EPHA3: variants seen among roughly 807,000 people sequenced by gnomAD.
EPHA3 encodes the protein ephrin type-A receptor 3.
Under a neutral mutation model 107.1 loss-of-function variants are expected in EPHA3, and 42 were observed. The ratio of observed to expected loss-of-function variants is 0.39; its 90% confidence interval spans 0.31 to 0.51. The LOEUF (loss-of-function observed/expected upper bound fraction) is 0.51. EPHA3 is among the 20% of genes least tolerant of loss of function. The probability of loss-of-function intolerance (pLI) is 0.78; values close to 1 mark genes in which losing one functional copy is unlikely to be tolerated. For synonymous variants in EPHA3, 461 were observed against 424.8 expected, an observed-to-expected ratio of 1.09 and a Z score of -1.05; for missense variants, 1,183 against 1,211.2, an observed-to-expected ratio of 0.98 and a Z score of 0.35.
intron 3 of EPHA3, among the ~76,000 whole-genome samples, chr3:89,305,448 A>G (rs1706593105): frequency 6.6e-6 from 1 of 152,090 alleles, no homozygotes; most frequent in East Asian, 1.9e-4. Context: ...ACTTTTTTGC[A>G]TCCACCTGTA....
chr3:89,472,750 G>A lies in EPHA3; in HGVS notation c.2846+131G>A, dbSNP rs73139115. 7.5e-5 allele frequency: 76 copies of A among 1,014,698 alleles called. No homozygotes were observed. The South Asian group carries it at 9.8e-4, about 13-fold the overall frequency. The allele number at this position is 1,014,698 out of a possible 1,614,324, so 62.9% of individuals were successfully genotyped here. ...TGGTAGATCTGAGGTACTGACTACC[G>A]CCTGGAACTGCTAATCAGGGCCCTG... is the stretch of plus-strand genomic sequence containing the variant. On this transcript the variant is annotated intron_variant, in intron 16 of 16. Transcript: ENST00000336596.
chr3:89,367,373 C>T (rs190281933), intron 5 of EPHA3, among the ~76,000 whole-genome samples: 2 of 150,526 alleles, frequency 1.3e-5, no homozygotes, highest in Non-Finnish European at 3.0e-5. Flanking sequence ...AGTGAGCTGG[C>T]CTCCCGTGTA....
intron 3 of EPHA3, among the ~76,000 whole-genome samples, chr3:89,213,715 G>A (rs1401207334): frequency 2.0e-5 from 3 of 152,008 alleles, no homozygotes; most frequent in Admixed American, 6.6e-5. Context: ...TAAAGCAACC[G>A]TCTAAACAAT....
chr3:89,268,376 A>T (rs1297510071), intron 3 of EPHA3, among the ~76,000 whole-genome samples: 1 of 152,142 alleles, frequency 6.6e-6, no homozygotes. Context: ...TCATGTGGCT[A>T]ATCTTCATTG....
intron 5 of EPHA3, among the ~76,000 whole-genome samples, chr3:89,356,058 T>C (rs1416912676): frequency 6.9e-6 from 1 of 144,086 alleles, no homozygotes; most frequent in Non-Finnish European, 1.5e-5. Flanking sequence ...TGTTCAATTC[T>C]CACCTATGAG....
At chr3:89,442,432 T>C (rs1335118574) in intron 13 of EPHA3, among the ~76,000 whole-genome samples, 1 of 152,210 alleles carries the variant, frequency 6.6e-6, no homozygotes, top group East Asian at 1.9e-4. Context: ...AAGCAGTAGT[T>C]CGCAAATGGG....
intron 10 of EPHA3, among the ~76,000 whole-genome samples, chr3:89,414,958 G>T (rs1638877346): frequency 6.6e-6 from 1 of 151,446 alleles, no homozygotes; most frequent in Non-Finnish European, 1.5e-5. Context: ...CATGTTCAGG[G>T]TTTTGCAGCC....
At chr3:89,168,089 A>G (rs1705118933) in intron 2 of EPHA3, among the ~76,000 whole-genome samples, 1 of 152,194 alleles carries the variant, frequency 6.6e-6, no homozygotes, top group Admixed American at 6.5e-5. Flanking sequence ...TAAAGTTTGC[A>G]ATTAACACAG....
At chr3:89,348,614 C>G (rs1371041722) in intron 5 of EPHA3, among the ~76,000 whole-genome samples, 1 of 137,056 alleles carries the variant, frequency 7.3e-6, no homozygotes, top group Non-Finnish European at 1.5e-5. Flanking sequence ...TCTCTATTTC[C>G]TTCAGTTCTG....
At chr3:89,298,036 A>G (rs556808274) in intron 3 of EPHA3, among the ~76,000 whole-genome samples, 6 of 152,244 alleles carry the variant, frequency 3.9e-5, no homozygotes, top group Admixed American at 3.9e-4. Flanking sequence ...CTTCCTCTCA[A>G]AAAACAAAAC....
intron 3 of EPHA3, among the ~76,000 whole-genome samples, chr3:89,302,352 C>T (rs1364696475): frequency 6.6e-6 from 1 of 151,990 alleles, no homozygotes; most frequent in Admixed American, 6.6e-5. Context: ...GTGTTTTATA[C>T]AGTCTGTCTT....
intron 5 of EPHA3, among the ~76,000 whole-genome samples, chr3:89,351,577 C>A (rs553391109): frequency 7.9e-5 from 12 of 151,200 alleles, no homozygotes; most frequent in East Asian, 1.9e-4. Context: ...CACCCGTCTT[C>A]TGCGTCGCTC....
At chr3:89,413,294 T>C in intron 10 of EPHA3, 28 bp downstream of exon 10, 1 of 1,610,518 alleles carries the variant, frequency 6.2e-7, no homozygotes, top group Non-Finnish European at 8.5e-7. Flanking sequence ...ACTGCCAACT[T>C]AGTACTGTAT....
chr3:89,475,956 G>A (rs926346718), intron 16 of EPHA3, among the ~76,000 whole-genome samples: 1 of 151,810 alleles, frequency 6.6e-6, no homozygotes, highest in Non-Finnish European at 1.5e-5. Context: ...GAAGATATTC[G>A]GGCAAGAATA....
rs189081408 is a variant in EPHA3, at chr3:89,381,004, G to A, written c.1307-14833G>A. Among the ~76,000 whole-genome samples the A allele has an allele frequency of 5.3e-5, 8 of 151,504 alleles. No individual in the cohort carries two copies. The South Asian group carries it at 1.0e-3, about 20-fold the overall frequency. Reference sequence around the variant, plus strand: ...GTTTCTTTTTTTGAGACAGAGTCTCGCTCTCTTGCCCAGGCTGGAGTGCAA... The same window carrying A: ...GTTTCTTTTTTTGAGACAGAGTCTCACTCTCTTGCCCAGGCTGGAGTGCAA... On this transcript the variant is annotated intron_variant, in intron 5 of 16. Transcript: ENST00000336596.
At chr3:89,466,699 T>G (rs1348243112) in intron 15 of EPHA3, among the ~76,000 whole-genome samples, 1 of 132,978 alleles carries the variant, frequency 7.5e-6, no homozygotes, top group Non-Finnish European at 1.7e-5. Flanking sequence ...TCGCGCACGG[T>G]GCGCACACAC....
At chr3:89,267,596 G>C (rs1210622729) in intron 3 of EPHA3, among the ~76,000 whole-genome samples, 2 of 152,088 alleles carry the variant, frequency 1.3e-5, no homozygotes, top group Non-Finnish European at 2.9e-5. Flanking sequence ...CACCATGGAG[G>C]AAGCTACATT....
chr3:89,224,707 G>A (rs954891153), intron 3 of EPHA3, among the ~76,000 whole-genome samples: 2 of 151,934 alleles, frequency 1.3e-5, no homozygotes, highest in Non-Finnish European at 2.9e-5. Context: ...AAATTAGCTG[G>A]GAGTGGTGTC....
At chr3:89,340,567 G>A (rs539465256) in intron 3 of EPHA3, among the ~76,000 whole-genome samples, 2 of 152,274 alleles carry the variant, frequency 1.3e-5, no homozygotes, top group African/African-American at 4.8e-5. Context: ...ATTGCATCAT[G>A]TTTTAAAAAG....
Sources: gnomAD v4.1 joint callset for allele counts (sites outside exome capture counted in the v4.1 genomes callset) on GRCh38, gnomAD v4.1.1 for gene constraint, MANE v1.5 for transcripts, NCBI Gene and HGNC (gene_info 2026-07-23, HGNC 2026-07-21) for gene names.